Variants in PLEKHA8 observed in about 807,000 individuals in gnomAD.
The protein encoded by PLEKHA8 is pleckstrin homology domain-containing family A member 8.
A neutral mutation model predicts 68.2 loss-of-function variants in PLEKHA8; 36 were observed. The ratio of observed to expected loss-of-function variants is 0.53; its 90% confidence interval spans 0.40 to 0.70. The LOEUF (loss-of-function observed/expected upper bound fraction) is 0.70, where lower values mean the gene tolerates loss of function less well. Ranked by LOEUF, PLEKHA8 falls within the 30% of genes least tolerant of loss-of-function variation. PLEKHA8 has a pLI of 0.00. For synonymous variants in PLEKHA8, 211 were observed against 216.1 expected, an observed-to-expected ratio of 0.98 and a Z score of 0.20; for missense variants, 505 against 615.4, an observed-to-expected ratio of 0.82 and a Z score of 1.90.
intron 1 of PLEKHA8, among the ~76,000 whole-genome samples, chr7:30,031,461 C>T (rs1412277290): frequency 6.6e-6 from 1 of 152,210 alleles, no homozygotes; most frequent in East Asian, 1.9e-4. Context: ...AGTGTCAAGG[C>T]CCCAAAGCAG....
chr7:30,079,760 G>C lies in PLEKHA8; in HGVS notation c.*973G>C, dbSNP rs890668548. 1.4e-6 allele frequency: 1 copy of C among 704,526 alleles called. No homozygotes were observed. The highest frequency in any genetic ancestry group is 1.7e-6 in the Non-Finnish European group (1 of 573,960). 43.6% of individuals were successfully genotyped at this position (704,526 alleles called of 1,614,324 possible). A position where few individuals can be genotyped will look rare whatever the true frequency, so the allele number is the denominator to read the frequency against. On this transcript the variant is annotated 3_prime_UTR_variant, in exon 14 of 14. Transcript: ENST00000449726. ...CCTTATTTTGGCCTAAAGAACCAGA[G>C]TCTAGGTGGTGGGACATAGGAATCT...
intron 10 of PLEKHA8, 97 bp downstream of exon 10, chr7:30,061,039 T>C (rs1793393511): frequency 8.8e-7 from 1 of 1,138,260 alleles, no homozygotes. Flanking sequence ...AAGTGAAAAA[T>C]GTGTCACTGT....
At chr7:30,050,037 A>G (rs920177500) in intron 5 of PLEKHA8, among the ~76,000 whole-genome samples, 2 of 152,160 alleles carry the variant, frequency 1.3e-5, no homozygotes, top group Admixed American at 1.3e-4. Flanking sequence ...TACTGAAATG[A>G]TTTTTAGGGC....
chr7:30,054,960 A>G, intron 8 of PLEKHA8, 95 bp downstream of exon 8: 1 of 1,228,022 alleles, frequency 8.1e-7, no homozygotes, highest in Non-Finnish European at 1.1e-6. Flanking sequence ...GGCATATTCT[A>G]GGAGAATAGA....
chr7:30,078,505 A>G (rs1022600236), intron 13 of PLEKHA8, 85 bp from the exon 14 acceptor site: 8 of 1,347,598 alleles, frequency 5.9e-6, no homozygotes, highest in Admixed American at 5.4e-5. Context: ...GTGTGAAAGT[A>G]TGTGTGTGTG....
At position 30,055,190 on chromosome 7, in the gene PLEKHA8, C is replaced by G. The variant is rs951378899; in HGVS notation, c.954-67C>G. ...AGAGGCAGCTGTGTCTATGACTTAC[C>G]TCTGAATTGCAGAGTGCTGATACTG... On this transcript the variant is annotated intron_variant, in intron 8 of 13. Coordinates refer to ENST00000449726, the MANE Select transcript of PLEKHA8 (RefSeq NM_001197026.2). 5 of 1,405,246 alleles carry G rather than the reference C, an allele frequency of 3.6e-6. No homozygotes were observed. In the African/African-American group the frequency reaches 4.2e-5, roughly 12 times the overall value. The allele number at this position is 1,405,246 out of a possible 1,614,324, so 87.0% of individuals were successfully genotyped here.
rs145511053 is a variant in PLEKHA8, at chr7:30,052,821, G to C, written c.751G>C (p.Asp251His). 68 of 1,576,938 alleles carry C rather than the reference G, an allele frequency of 4.3e-5. No homozygotes were observed. Among genetic ancestry groups the C allele is most frequent in the Non-Finnish European group, 5.6e-5 (66 of 1,169,108 alleles). Residue 251 changes from aspartate to histidine, a missense_variant, in exon 7 of 14, where the codon GAC becomes CAC. Coordinates refer to ENST00000449726, the MANE Select transcript of PLEKHA8 (RefSeq NM_001197026.2). ...CTTATATTTGAAATCTGCAGAGATAGACTGCAGCATATCAAGTGAGGAAAA... is the reference window on the plus strand; with the variant it reads ...CTTATATTTGAAATCTGCAGAGATACACTGCAGCATATCAAGTGAGGAAAA... ...NSLYLKSAEI[D>H]CSISSEENTD...
chr7:30,079,899 T>C lies in PLEKHA8; in HGVS notation c.*1112T>C. ...TCTTCAAGAACTAAATGATATGTCC[T>C]TTTTTTTTTTTTCAAAGAGGATAAG... On this transcript the variant is annotated 3_prime_UTR_variant, in exon 14 of 14. Coordinates refer to ENST00000449726, the MANE Select transcript of PLEKHA8 (RefSeq NM_001197026.2). 3.1e-6 allele frequency: 1 copy of C among 319,278 alleles called. No individual in the cohort carries two copies. The highest frequency in any genetic ancestry group is 4.4e-6 in the Non-Finnish European group (1 of 225,828). 19.8% of individuals were successfully genotyped at this position (319,278 alleles called of 1,614,324 possible). A position where few individuals can be genotyped will look rare whatever the true frequency, so the allele number is the denominator to read the frequency against.
At chr7:30,121,766 C>T (rs1413638125) in intron 13 of PLEKHA8, among the ~76,000 whole-genome samples, 1 of 152,190 alleles carries the variant, frequency 6.6e-6, no homozygotes, top group Non-Finnish European at 1.5e-5. Context: ...ATTTCCAAAT[C>T]AATAAATAAG....
At chr7:30,072,179 T>C (rs1352067803) in intron 12 of PLEKHA8, 3 of 152,254 alleles carry the variant, frequency 2.0e-5, no homozygotes, top group African/African-American at 7.2e-5. Context: ...GTCTTCTTCA[T>C]ACTTGAATGT....
intron 13 of PLEKHA8, among the ~76,000 whole-genome samples, chr7:30,076,584 G>T (rs573588180): frequency 5.3e-5 from 8 of 152,252 alleles, no homozygotes; most frequent in Non-Finnish European, 1.2e-4. Context: ...TATAGACAGA[G>T]AAACCTGAGA....
rs1013466579 is a variant in PLEKHA8 at position 30,028,652 on chromosome 7, G to A, written c.-111G>A. 18 of 865,314 alleles carry A rather than the reference G, an allele frequency of 2.1e-5. No individual in the cohort carries two copies. Among genetic ancestry groups the A allele is most frequent in the Non-Finnish European group, 2.6e-5 (17 of 651,392 alleles). 53.6% of individuals were successfully genotyped at this position (865,314 alleles called of 1,614,324 possible). ...CCCACACCGGGCCCGGGCGCCGGGAGTGGGCGTCTGGGCAGCGCCAGGCGA... is the reference window on the plus strand; with the variant it reads ...CCCACACCGGGCCCGGGCGCCGGGAATGGGCGTCTGGGCAGCGCCAGGCGA... On this transcript the variant is annotated 5_prime_UTR_variant, in exon 1 of 14. It adds an upstream start codon to the 5' untranslated region. Transcript: ENST00000449726.
chr7:30,062,118 A>C (rs1177716117), intron 11 of PLEKHA8, 91 bp downstream of exon 11: 1 of 1,434,120 alleles, frequency 7.0e-7, no homozygotes, highest in Non-Finnish European at 9.3e-7. Flanking sequence ...ACTACTTCTG[A>C]GTGAAGGATC....
At position 30,081,832 on chromosome 7, in the gene PLEKHA8, A is replaced by G. The variant is rs1794947040; in HGVS notation, c.*3045A>G. 1 of 985,420 alleles carries G rather than the reference A, an allele frequency of 1.0e-6. No homozygotes were observed. Among genetic ancestry groups the G allele is most frequent in the East Asian group, 1.1e-4 (1 of 8,820 alleles). The allele number at this position is 985,420 out of a possible 1,614,324, so 61.0% of individuals were successfully genotyped here. A position where few individuals can be genotyped will look rare whatever the true frequency, so the allele number is the denominator to read the frequency against. ...TCGTGCCTGTACTTTTCTCTATGGT[A>G]AAAGCCAGTGTTTACACTTTGTAGG... is the stretch of plus-strand genomic sequence containing the variant. On this transcript the variant is annotated 3_prime_UTR_variant, in exon 14 of 14. Transcript: ENST00000449726.
rs149961630 is a variant in PLEKHA8, at chr7:30,090,131, A to G, written c.1301-22A>G. 952 of 1,545,908 alleles carry G rather than the reference A, an allele frequency of 6.2e-4. 4 individuals are homozygous for G. The African/African-American group carries it at 0.011, about 19-fold the overall frequency. ...AAATGAAGGAAGGAATCTTTAGATTAAAAGAGTGCACTATGTTGTAGGAAA... is the reference window on the plus strand; with the variant it reads ...AAATGAAGGAAGGAATCTTTAGATTGAAAGAGTGCACTATGTTGTAGGAAA... On this transcript the variant is annotated intron_variant, in intron 12 of 12. Coordinates refer to the PLEKHA8 transcript ENST00000258679.
At chr7:30,130,066 T>G (rs1344656104), downstream of PLEKHA8, 5 of 152,230 alleles carry the variant, frequency 3.3e-5, no homozygotes. Flanking sequence ...AGCTTCTGGC[T>G]TAGTAAATTA....
chr7:30,120,244 GT>G, intron 13 of PLEKHA8, among the ~76,000 whole-genome samples: 1 of 151,826 alleles, frequency 6.6e-6, no homozygotes, highest in East Asian at 1.9e-4. Context: ...ATTTAACAGA[GT>G]TTAACTGAGT....
rs190802264 is a variant in PLEKHA8, at chr7:30,083,639, A to C, written c.*4852A>C. ...CTGTTTTTATATAGCCTTTAATTAAAAGGAAAAAAATACCACTACTCTGCA... is the reference window on the plus strand; with the variant it reads ...CTGTTTTTATATAGCCTTTAATTAACAGGAAAAAAATACCACTACTCTGCA... On this transcript the variant is annotated 3_prime_UTR_variant, in exon 14 of 14. Transcript: ENST00000449726. 178 of 985,424 alleles carry C rather than the reference A, an allele frequency of 1.8e-4. No individual in the cohort carries two copies. In the African/African-American group the frequency reaches 2.8e-3, roughly 16 times the overall value. 61.0% of individuals were successfully genotyped at this position (985,424 alleles called of 1,614,324 possible).
chr7:30,056,754 T>TAA (rs1792996524), intron 9 of PLEKHA8, among the ~76,000 whole-genome samples: 3 of 113,828 alleles, frequency 2.6e-5, no homozygotes, highest in African/African-American at 7.2e-5. Flanking sequence ...TGTGTGTGTG[T>TAA]GTGTGTGTGT....
Sources: gnomAD v4.1 joint callset for allele counts (sites outside exome capture counted in the v4.1 genomes callset) on GRCh38, gnomAD v4.1.1 for gene constraint, MANE v1.5 for transcripts, NCBI Gene and HGNC (gene_info 2026-07-23, HGNC 2026-07-21) for gene names.